The following KIF26B variants were observed in gnomAD, a reference collection of about 807,000 sequenced individuals.
KIF26B encodes kinesin-like protein KIF26B.
Under a neutral mutation model 151.2 loss-of-function variants are expected in KIF26B, and 63 were observed. The observed-to-expected ratio is 0.42, with a 90% confidence interval of 0.34 to 0.51. The LOEUF (loss-of-function observed/expected upper bound fraction) is 0.51. Among genes scored for constraint, KIF26B ranks in the 20% least tolerant of loss-of-function variants. The pLI is 0.07. For missense variants in KIF26B, 2,813 were observed against 2,913.6 expected, an observed-to-expected ratio of 0.97 and a Z score of 0.79; for synonymous variants, 1,357 against 1,262.1, an observed-to-expected ratio of 1.08 and a Z score of -1.59.
At chr1:245,254,061 C>T (rs538569962) in intron 2 of KIF26B, among the ~76,000 whole-genome samples, 10 of 152,058 alleles carry the variant, frequency 6.6e-5, no homozygotes, top group East Asian at 5.8e-4. Flanking sequence ...TTGCCCGCCT[C>T]GGCCTCCCAA....
chr1:245,505,198 A>G (rs1248059954), intron 4 of KIF26B, among the ~76,000 whole-genome samples: 1 of 150,720 alleles, frequency 6.6e-6, no homozygotes, highest in Non-Finnish European at 1.5e-5. Flanking sequence ...TTGGCCTCCA[A>G]AAGTGCTGGG....
At chr1:245,360,828 A>G (rs943114933) in intron 2 of KIF26B, among the ~76,000 whole-genome samples, 6 of 152,120 alleles carry the variant, frequency 3.9e-5, no homozygotes, top group Admixed American at 2.0e-4. Flanking sequence ...CCTGGCCAAC[A>G]TAGTAAAACT....
chr1:245,646,333 G>T, intron 10 of KIF26B, 53 bp downstream of exon 10: 3 of 1,577,016 alleles, frequency 1.9e-6, no homozygotes, highest in Non-Finnish European at 2.6e-6. Context: ...GGTGTGGGAC[G>T]CTTTGTTCAG....
intron 9 of KIF26B, among the ~76,000 whole-genome samples, chr1:245,629,594 C>G (rs2043758788): frequency 6.6e-6 from 1 of 152,086 alleles, no homozygotes; most frequent in Non-Finnish European, 1.5e-5. Flanking sequence ...AAAATTAACT[C>G]AAGATGGATT....
At chr1:245,453,622 G>A (rs897538891) in intron 4 of KIF26B, among the ~76,000 whole-genome samples, 2 of 152,086 alleles carry the variant, frequency 1.3e-5, no homozygotes, top group Admixed American at 6.5e-5. Flanking sequence ...ATATTCACAA[G>A]TGTTTTACTT....
intron 10 of KIF26B, among the ~76,000 whole-genome samples, chr1:245,678,606 G>C (rs984799838): frequency 3.9e-5 from 6 of 152,144 alleles, no homozygotes; most frequent in African/African-American, 1.4e-4. Flanking sequence ...GCTCACGCCT[G>C]TAATCCCAGC....
At chr1:245,547,253 A>G (rs1661765464) in intron 5 of KIF26B, among the ~76,000 whole-genome samples, 1 of 152,164 alleles carries the variant, frequency 6.6e-6, no homozygotes, top group Non-Finnish European at 1.5e-5. Flanking sequence ...TCTCCGTTAG[A>G]GGTTACTGGG....
chr1:245,446,799 G>C lies in KIF26B; in HGVS notation c.1166+27054G>C, dbSNP rs928283810. On this transcript the variant is annotated intron_variant, in intron 4 of 14. Coordinates refer to ENST00000407071, the MANE Select transcript of KIF26B (RefSeq NM_018012.4). ...ATTCTGCTCTCCCCCAATCCCCAAAGCATCAAAATAGAACTCTGGCCCCTC... is the reference window on the plus strand; with the variant it reads ...ATTCTGCTCTCCCCCAATCCCCAAACCATCAAAATAGAACTCTGGCCCCTC... 7.9e-5 allele frequency among the ~76,000 whole-genome samples: 12 copies of C among 152,250 alleles called. No individual in the cohort carries two copies. The East Asian group carries it at 1.4e-3, about 17-fold the overall frequency.
chr1:245,354,763 G>C (rs1239769988), intron 2 of KIF26B, among the ~76,000 whole-genome samples: 4 of 152,156 alleles, frequency 2.6e-5, no homozygotes, highest in Non-Finnish European at 5.9e-5. Context: ...AGGAGAGCCG[G>C]CATTAGCTTC....
intron 5 of KIF26B, among the ~76,000 whole-genome samples, chr1:245,570,246 A>G (rs2043054562): frequency 6.6e-6 from 1 of 152,008 alleles, no homozygotes; most frequent in African/African-American, 2.4e-5. Flanking sequence ...TGAGAAAAAT[A>G]TTTTTGATTT....
chr1:245,648,617 A>G (rs2043978967), intron 10 of KIF26B, among the ~76,000 whole-genome samples: 1 of 150,414 alleles, frequency 6.6e-6, no homozygotes, highest in Non-Finnish European at 1.5e-5. Context: ...TGGGCAACAG[A>G]GTGAGACCCT....
chr1:245,664,513 G>A (rs6682618), intron 10 of KIF26B, among the ~76,000 whole-genome samples: 29,164 of 151,320 alleles, frequency 0.19, 4,246 homozygotes, highest in African/African-American at 0.41. Context: ...ACTTATTATC[G>A]AAGCCACTTT....
At chr1:245,660,015 C>T (rs1211828339) in intron 10 of KIF26B, among the ~76,000 whole-genome samples, 1 of 151,946 alleles carries the variant, frequency 6.6e-6, no homozygotes, top group East Asian at 1.9e-4. Context: ...CGCCATTGCA[C>T]TCCAGCCTGG....
intron 5 of KIF26B, among the ~76,000 whole-genome samples, chr1:245,585,849 G>A (rs182485814): frequency 3.1e-4 from 47 of 152,086 alleles, no homozygotes; most frequent in East Asian, 7.7e-4. Context: ...GCATACAGCC[G>A]ACTCTTAACT....
At chr1:245,577,050 T>G (rs577682241) in intron 5 of KIF26B, among the ~76,000 whole-genome samples, 12 of 152,226 alleles carry the variant, frequency 7.9e-5, no homozygotes, top group Admixed American at 2.6e-4. Flanking sequence ...TATCTAAATT[T>G]AAGGTAAAAT....
At chr1:245,585,537 A>T (rs1004743698) in intron 5 of KIF26B, among the ~76,000 whole-genome samples, 3 of 152,072 alleles carry the variant, frequency 2.0e-5, no homozygotes, top group African/African-American at 7.2e-5. Context: ...CTAGGGAAAA[A>T]AAAAAAAGAT....
At chr1:245,350,081 A>G (rs1161270573) in intron 2 of KIF26B, among the ~76,000 whole-genome samples, 2 of 152,014 alleles carry the variant, frequency 1.3e-5, no homozygotes, top group African/African-American at 4.8e-5. Context: ...TGCACATCAC[A>G]TTTCCCCTAC....
At chr1:245,465,088 C>T (rs1659753324) in intron 4 of KIF26B, among the ~76,000 whole-genome samples, 1 of 149,288 alleles carries the variant, frequency 6.7e-6, no homozygotes, top group African/African-American at 2.5e-5. Flanking sequence ...ACGCCATTCT[C>T]CTGCCTCAGC....
intron 4 of KIF26B, among the ~76,000 whole-genome samples, chr1:245,503,875 C>T (rs2103080340): frequency 6.6e-6 from 1 of 152,320 alleles, no homozygotes; most frequent in East Asian, 1.9e-4. Flanking sequence ...CCACATGACT[C>T]CAGCTACCCT....
Sources: gnomAD v4.1 joint callset for allele counts (sites outside exome capture counted in the v4.1 genomes callset) on GRCh38, gnomAD v4.1.1 for gene constraint, MANE v1.5 for transcripts, NCBI Gene and HGNC (gene_info 2026-07-23, HGNC 2026-07-21) for gene names.